The following DCT variants were observed in gnomAD, a reference collection of about 807,000 sequenced individuals.
DCT encodes the protein L-dopachrome tautomerase.
In DCT, 47 loss-of-function variants were observed where a neutral mutation model predicts 53.0. The ratio of observed to expected loss-of-function variants is 0.89; its 90% CI spans 0.70 to 1.13. The LOEUF (loss-of-function observed/expected upper bound fraction) is 1.13, where lower values mean the gene tolerates loss of function less well. DCT is among the 50% of genes most tolerant of loss of function. The pLI is 0.00. For synonymous variants in DCT, 244 were observed against 237.0 expected (o/e 1.03, Z -0.27); for missense variants, 669 against 637.4 (o/e 1.05, Z -0.53).
chr13:94,443,216 T>TC (rs1175698750), intron 7 of DCT, among the ~76,000 whole-genome samples: 1 of 152,170 alleles, frequency 6.6e-6, no homozygotes, highest in African/African-American at 2.4e-5. Context: ...TTCAGTTTTC[T>TC]AAAACAAGAG....
At chr13:94,489,776 A>G in the DCT span, among the ~76,000 whole-genome samples, 1 of 152,090 alleles carries the variant, frequency 6.6e-6, no homozygotes, top group East Asian at 1.9e-4. Flanking sequence ...ACACACACAC[A>G]CACACACATA....
At chr13:94,447,151 T>C (rs1434549064) in intron 6 of DCT, among the ~76,000 whole-genome samples, 2 of 152,182 alleles carry the variant, frequency 1.3e-5, no homozygotes, top group East Asian at 3.8e-4. Context: ...GGAAGTCTGG[T>C]TCTAAAGTGA....
chr13:94,496,345 C>T, the DCT span, among the ~76,000 whole-genome samples: 2 of 152,076 alleles, frequency 1.3e-5, no homozygotes, highest in Admixed American at 1.3e-4. Flanking sequence ...AGCCACACAC[C>T]ACCACACCCG....
At chr13:94,469,939 G>A (rs1884525933) in intron 1 of DCT, among the ~76,000 whole-genome samples, 1 of 152,190 alleles carries the variant, frequency 6.6e-6, no homozygotes, top group East Asian at 1.9e-4. Flanking sequence ...GCGGGGCGTG[G>A]TGGTACATGC....
chr13:94,461,787 GAACAGC>G (rs1185953323), intron 5 of DCT, among the ~76,000 whole-genome samples: 13 of 152,102 alleles, frequency 8.5e-5, no homozygotes, highest in Non-Finnish European at 1.2e-4. Flanking sequence ...AGTTGGTTTT[GAACAGC>G]TAAGTTAGAA....
At chr13:94,483,911 C>G (rs554586527), upstream of DCT, among the ~76,000 whole-genome samples, 4 of 152,282 alleles carry the variant, frequency 2.6e-5, no homozygotes, top group Middle Eastern at 3.4e-3. Flanking sequence ...ATTCAATGTT[C>G]CTGCTACGAT....
chr13:94,463,108 A>G (rs1314913714), intron 4 of DCT, among the ~76,000 whole-genome samples: 34 of 152,036 alleles, frequency 2.2e-4, no homozygotes, highest in Admixed American at 2.2e-3. Context: ...CAACATCAGA[A>G]TAGTATTTCT....
At chr13:94,493,185 C>A in the DCT span, among the ~76,000 whole-genome samples, 1 of 152,058 alleles carries the variant, frequency 6.6e-6, no homozygotes, top group Non-Finnish European at 1.5e-5. Flanking sequence ...GATATTAGGG[C>A]ACATCTCTAA....
At chr13:94,523,745 G>A in the DCT span, among the ~76,000 whole-genome samples, 1 of 152,136 alleles carries the variant, frequency 6.6e-6, no homozygotes, top group African/African-American at 2.4e-5. Flanking sequence ...GGAGAAATGA[G>A]ATTCTTGTCC....
chr13:94,532,169 C>T, the DCT span, among the ~76,000 whole-genome samples: 15 of 152,272 alleles, frequency 9.9e-5, no homozygotes, highest in East Asian at 1.9e-4. Flanking sequence ...GAAATAGGAA[C>T]GCATTTACAC....
Position 94,443,491 on chromosome 13 carries a change from T to C in DCT, c.1326A>G (p.Glu442=), listed in dbSNP as rs773099198. ...GTTGGTCTGAGGTTAAAAAGAGTTC[T>C]TCATTAGTCACTGGAGGGAAGAAAG... ...MVPFFPPVTN[E]ELFLTSDQLG... Residue 442 remains glutamate (E), a synonymous_variant, in exon 7 of 8, where the codon GAA becomes GAG. Coordinates refer to ENST00000377028, the MANE Select transcript of DCT (RefSeq NM_001922.5). 4.2e-5 allele frequency: 67 copies of C among 1,614,088 alleles called. 7 individuals are homozygous for C. The South Asian group carries it at 7.0e-4, about 17-fold the overall frequency.
chr13:94,509,025 G>T, the DCT span, among the ~76,000 whole-genome samples: 1 of 152,148 alleles, frequency 6.6e-6, no homozygotes, highest in Admixed American at 6.5e-5. Context: ...CACTGAATCA[G>T]ACCCTACTGA....
intron 1 of DCT, among the ~76,000 whole-genome samples, chr13:94,471,583 A>G (rs961204665): frequency 6.6e-6 from 1 of 152,144 alleles, no homozygotes; most frequent in African/African-American, 2.4e-5. Flanking sequence ...CTTGAAGTCT[A>G]TTTTCCCTGG....
At chr13:94,513,384 A>G in the DCT span, among the ~76,000 whole-genome samples, 2 of 152,162 alleles carry the variant, frequency 1.3e-5, no homozygotes, top group African/African-American at 2.4e-5. Flanking sequence ...TCGTGTGGAG[A>G]GGTAACTATG....
chr13:94,452,791 T>C, intron 6 of DCT: 1 of 489,788 alleles, frequency 2.0e-6, no homozygotes. Flanking sequence ...CCTTCAGAAC[T>C]GAAATGATTT....
At chr13:94,494,204 C>A in the DCT span, among the ~76,000 whole-genome samples, 1 of 152,148 alleles carries the variant, frequency 6.6e-6, no homozygotes, top group Admixed American at 6.5e-5. Flanking sequence ...GCCCTGCAGG[C>A]CTCACAGCTT....
upstream of DCT, among the ~76,000 whole-genome samples, chr13:94,482,549 T>A (rs1485318494): frequency 6.6e-6 from 1 of 152,178 alleles, no homozygotes; most frequent in Non-Finnish European, 1.5e-5. Flanking sequence ...GTTATCTGAC[T>A]TATTGGTTAG....
intron 1 of DCT, among the ~76,000 whole-genome samples, chr13:94,478,484 AAG>A (rs765869772): frequency 3.3e-5 from 5 of 151,994 alleles, no homozygotes; most frequent in East Asian, 3.9e-4. Flanking sequence ...CTCCAAAAAA[AAG>A]AGAGAGAGAG....
chr13:94,544,494 T>C, the DCT span, among the ~76,000 whole-genome samples: 1 of 152,350 alleles, frequency 6.6e-6, no homozygotes, highest in East Asian at 1.9e-4. Context: ...AAGTGTGCAT[T>C]TGGCGTCTGA....
Sources: gnomAD v4.1 joint callset for allele counts (sites outside exome capture counted in the v4.1 genomes callset) on GRCh38, gnomAD v4.1.1 for gene constraint, MANE v1.5 for transcripts, NCBI Gene and HGNC (gene_info 2026-07-23, HGNC 2026-07-21) for gene names.